Variants in NR3C1 observed in about 807,000 individuals in gnomAD.
NR3C1 encodes the protein nuclear receptor subfamily 3 group C member 1.
Under a neutral mutation model 74.0 loss-of-function variants are expected in NR3C1, and 14 were observed. The observed-to-expected ratio is 0.19, with a 90% CI of 0.12 to 0.30. The LOEUF is 0.30. NR3C1 is among the 10% of genes least tolerant of loss of function. NR3C1 has a pLI of 1.00. For missense variants in NR3C1, 695 were observed against 909.8 expected, an observed-to-expected ratio of 0.76 and a Z score of 3.04; for synonymous variants, 308 against 332.5, an observed-to-expected ratio of 0.93 and a Z score of 0.80.
intron 1 of NR3C1, 29 bp downstream of exon 1, chr5:143,403,182 C>T (rs1188122852): frequency 1.0e-5 from 10 of 984,416 alleles, no homozygotes; most frequent in Admixed American, 6.2e-5. Flanking sequence ...AGCGAGCGCG[C>T]CCCGGCCCCC....
chr5:143,405,509 C>G (rs1276747528), upstream of NR3C1, among the ~76,000 whole-genome samples: 2 of 152,194 alleles, frequency 1.3e-5, no homozygotes, highest in Non-Finnish European at 2.9e-5. Context: ...CTAAGCCGTC[C>G]TTCCTTGGTT....
At chr5:143,425,480 T>A (rs912231882) in intron 1 of NR3C1, among the ~76,000 whole-genome samples, 2 of 152,066 alleles carry the variant, frequency 1.3e-5, no homozygotes, top group Non-Finnish European at 2.9e-5. Flanking sequence ...AAGTCATATA[T>A]CCAGTAAAGG....
At chr5:143,414,057 T>C (rs1370376222) in intron 1 of NR3C1, among the ~76,000 whole-genome samples, 1 of 152,198 alleles carries the variant, frequency 6.6e-6, no homozygotes, top group Non-Finnish European at 1.5e-5. Flanking sequence ...AAATTAAGTA[T>C]AGTTGTTACA....
At chr5:143,399,624 A>G (rs760363625) in intron 2 of NR3C1, 32 bp downstream of exon 2, 44 of 1,439,676 alleles carry the variant, frequency 3.1e-5, no homozygotes, top group Non-Finnish European at 4.1e-5. Flanking sequence ...TAAATGTACC[A>G]TTCTTAAGAA....
intron 4 of NR3C1, among the ~76,000 whole-genome samples, chr5:143,305,187 C>T (rs1382555956): frequency 3.9e-5 from 6 of 151,980 alleles, no homozygotes; most frequent in African/African-American, 1.4e-4. Context: ...CAAAAACAAC[C>T]CCATTAAAAA....
intron 2 of NR3C1, among the ~76,000 whole-genome samples, chr5:143,346,599 G>A (rs1829329666): frequency 6.6e-6 from 1 of 152,082 alleles, no homozygotes; most frequent in African/African-American, 2.4e-5. Context: ...TCCCAAATTT[G>A]GTTGACGTCG....
At chr5:143,284,129 G>A (rs1479013402) in intron 7 of NR3C1, among the ~76,000 whole-genome samples, 2 of 151,932 alleles carry the variant, frequency 1.3e-5, no homozygotes, top group Non-Finnish European at 2.9e-5. Context: ...GCCTAGGCTG[G>A]AGTGCATTGG....
chr5:143,412,046 C>G (rs948172333), intron 1 of NR3C1, among the ~76,000 whole-genome samples: 1 of 152,032 alleles, frequency 6.6e-6, no homozygotes, highest in Non-Finnish European at 1.5e-5. Context: ...CTTCCAGGAA[C>G]TTTTTATGCT....
At position 143,279,140 on chromosome 5, in the gene NR3C1, C is replaced by G; in HGVS notation, c.*2749G>C. ...CATAGGAAATAAATCTGCTTTCAAA[C>G]AGCACCACCATATAGCACTTAAATC... On this transcript the variant is annotated 3_prime_UTR_variant, in exon 9 of 9. Transcript: ENST00000394464. The G allele has an allele frequency of 1.9e-6, 1 of 521,654 alleles. No homozygotes were observed. 32.3% of individuals were successfully genotyped at this position (521,654 alleles called of 1,614,324 possible). A position where few individuals can be genotyped will look rare whatever the true frequency, so the allele number is the denominator to read the frequency against.
chr5:143,375,865 T>C (rs1337815139), intron 2 of NR3C1: 2 of 152,214 alleles, frequency 1.3e-5, no homozygotes, highest in Non-Finnish European at 2.9e-5. Flanking sequence ...AAAATAATCA[T>C]GTTACATTCT....
In NR3C1 at chr5:143,279,708, G is replaced by GAATT. The variant is rs1351246658; in HGVS notation, c.*2177_*2180dup. 32 of 282,768 alleles carry GAATT rather than the reference G, an allele frequency of 1.1e-4. No homozygotes were observed. The highest frequency in any genetic ancestry group is 6.9e-4 in the African/African-American group (31 of 44,862). 17.5% of individuals were successfully genotyped at this position (282,768 alleles called of 1,614,324 possible). A position where few individuals can be genotyped will look rare whatever the true frequency, so the allele number is the denominator to read the frequency against. On this transcript the variant is annotated 3_prime_UTR_variant, in exon 9 of 9. Coordinates refer to ENST00000394464, the MANE Select transcript of NR3C1 (RefSeq NM_000176.3). ...TAAACTCTTGTTGTAGGATAGAAAG[G>GAATT]AATTAGTGTATTATTGGCAACCTAT...
At chr5:143,419,227 T>C (rs1203450947) in intron 1 of NR3C1, among the ~76,000 whole-genome samples, 1 of 152,184 alleles carries the variant, frequency 6.6e-6, no homozygotes, top group Non-Finnish European at 1.5e-5. Flanking sequence ...CAATCTATAT[T>C]ACTACCAATT....
chr5:143,347,375 T>G (rs1266019860), intron 2 of NR3C1, among the ~76,000 whole-genome samples: 5 of 152,138 alleles, frequency 3.3e-5, no homozygotes, highest in Non-Finnish European at 7.4e-5. Flanking sequence ...AACTTGCACT[T>G]GAAAACAGAC....
chr5:143,328,468 T>G (rs767135340), intron 2 of NR3C1, among the ~76,000 whole-genome samples: 72 of 152,342 alleles, frequency 4.7e-4, no homozygotes, highest in Non-Finnish European at 9.1e-4. Context: ...TACTTATTAC[T>G]CCTTGTTACT....
At chr5:143,424,902 T>C (rs1019084824) in intron 1 of NR3C1, among the ~76,000 whole-genome samples, 4 of 152,194 alleles carry the variant, frequency 2.6e-5, no homozygotes, top group Non-Finnish European at 5.9e-5. Flanking sequence ...CATTTTTAAC[T>C]TGATGTTTTA....
At chr5:143,378,032 C>T (rs1391735272) in intron 2 of NR3C1, among the ~76,000 whole-genome samples, 1 of 152,058 alleles carries the variant, frequency 6.6e-6, no homozygotes, top group Non-Finnish European at 1.5e-5. Flanking sequence ...AGAGCATCAA[C>T]TGAGGCCAGG....
At chr5:143,283,552 TG>T (rs1813604039) in intron 7 of NR3C1, among the ~76,000 whole-genome samples, 2 of 152,388 alleles carry the variant, frequency 1.3e-5, no homozygotes, top group South Asian at 4.1e-4. Flanking sequence ...GGAATATCTG[TG>T]ATATCACCAG....
At chr5:143,313,962 C>T (rs1384246866) in intron 3 of NR3C1, 40 bp downstream of exon 3, 8 of 1,607,380 alleles carry the variant, frequency 5.0e-6, no homozygotes, top group African/African-American at 1.3e-5. Flanking sequence ...GAAATGAAAA[C>T]CAAGTAGAGG....
upstream of NR3C1, chr5:143,404,676 CTTT>C (rs72557311): frequency 1.1e-5 from 3 of 266,420 alleles, no homozygotes; most frequent in African/African-American, 4.6e-5. Flanking sequence ...TTTCTTTGCA[CTTT>C]TTTTTTATTA....
Sources: gnomAD v4.1 joint callset for allele counts (sites outside exome capture counted in the v4.1 genomes callset) on GRCh38, gnomAD v4.1.1 for gene constraint, MANE v1.5 for transcripts, NCBI Gene and HGNC (gene_info 2026-07-23, HGNC 2026-07-21) for gene names.